ROBO2: variants seen among roughly 807,000 people sequenced by gnomAD.
ROBO2 encodes roundabout guidance receptor 2, also known as roundabout homolog 2.
In ROBO2, 53 loss-of-function variants were observed where a neutral mutation model predicts 160.8. The observed-to-expected ratio is 0.33, with a 90% CI of 0.26 to 0.41. ROBO2 has a LOEUF of 0.41. Ranked by LOEUF, ROBO2 falls within the 10% of genes least tolerant of loss-of-function variation. The pLI, the probability that ROBO2 is intolerant of heterozygous loss-of-function variation, is 1.00. For missense variants in ROBO2, 1,577 were observed against 1,722.4 expected (o/e 0.92, Z 1.49); for synonymous variants, 664 against 611.7 (o/e 1.09, Z -1.26).
intron 2 of ROBO2, among the ~76,000 whole-genome samples, chr3:76,288,600 G>A (rs761995207): frequency 6.6e-6 from 1 of 151,858 alleles, no homozygotes; most frequent in Non-Finnish European, 1.5e-5. Flanking sequence ...CACAGGTAAT[G>A]AGCACAGCAC....
chr3:76,176,977 C>T (rs936774225), intron 2 of ROBO2, among the ~76,000 whole-genome samples: 2 of 152,072 alleles, frequency 1.3e-5, no homozygotes, highest in African/African-American at 4.8e-5. Context: ...ATTCTCTGTA[C>T]TTTATATTGC....
intron 2 of ROBO2, among the ~76,000 whole-genome samples, chr3:76,854,065 TCTTTCTC>T (rs2069759652): frequency 1.3e-5 from 1 of 76,938 alleles, no homozygotes; most frequent in Non-Finnish European, 2.9e-5. Context: ...TCTCTCTCTC[TCTTTCTC>T]TGTCTGCCTC....
At chr3:77,373,115 A>T (rs1169543226) in intron 2 of ROBO2, among the ~76,000 whole-genome samples, 1 of 147,132 alleles carries the variant, frequency 6.8e-6, no homozygotes, top group East Asian at 1.9e-4. Context: ...TTTTAAAATT[A>T]TTATAAAAGT....
At position 77,014,002 on chromosome 3, in the gene ROBO2, T is replaced by C. The variant is rs142937360; in HGVS notation, c.110-84012T>C. Reference sequence around the variant, plus strand: ...CATATAGTCAACAGACTCTAAACTTTAAATGCACTGAATTTTTTTAAAGGC... The same window carrying C: ...CATATAGTCAACAGACTCTAAACTTCAAATGCACTGAATTTTTTTAAAGGC... On this transcript the variant is annotated intron_variant, in intron 2 of 26. Coordinates refer to the ROBO2 transcript ENST00000487694. Among the ~76,000 whole-genome samples the C allele has an allele frequency of 1.5e-3, 231 of 152,314 alleles. 3 individuals carry two copies. The highest frequency in any genetic ancestry group is 7.7e-3 in the East Asian group (40 of 5,182).
intron 2 of ROBO2, among the ~76,000 whole-genome samples, chr3:77,418,456 G>C (rs1204522217): frequency 6.6e-6 from 1 of 151,998 alleles, no homozygotes; most frequent in African/African-American, 2.4e-5. Context: ...TTATAAAATG[G>C]ACTAAATTTG....
intron 2 of ROBO2, among the ~76,000 whole-genome samples, chr3:77,465,695 G>C (rs1478137874): frequency 3.3e-5 from 5 of 152,014 alleles, no homozygotes; most frequent in Non-Finnish European, 7.4e-5. Flanking sequence ...CATACTTTTG[G>C]GTAAAACACA....
At chr3:77,163,911 A>G (rs1188447767) in intron 2 of ROBO2, among the ~76,000 whole-genome samples, 1 of 152,242 alleles carries the variant, frequency 6.6e-6, no homozygotes, top group African/African-American at 2.4e-5. Flanking sequence ...ATACATACAG[A>G]TAAAATTGAT....
intron 2 of ROBO2, among the ~76,000 whole-genome samples, chr3:77,189,603 A>C (rs969297485): frequency 2.0e-5 from 3 of 151,892 alleles, no homozygotes; most frequent in African/African-American, 4.8e-5. Flanking sequence ...TATCCCCAAA[A>C]CAAGTGGTCT....
At chr3:76,947,555 G>A (rs1380678557) in intron 2 of ROBO2, among the ~76,000 whole-genome samples, 1 of 151,904 alleles carries the variant, frequency 6.6e-6, no homozygotes, top group African/African-American at 2.4e-5. Flanking sequence ...ACATATGACT[G>A]TTTTTTTCTT....
At chr3:76,624,749 G>C (rs1379499864) in intron 2 of ROBO2, among the ~76,000 whole-genome samples, 2 of 132,470 alleles carry the variant, frequency 1.5e-5, no homozygotes, top group East Asian at 4.7e-4. Flanking sequence ...AGTGAACTGA[G>C]ATCGCGCTAT....
intron 2 of ROBO2, among the ~76,000 whole-genome samples, chr3:77,130,212 T>G (rs574743521): frequency 1.3e-5 from 2 of 152,196 alleles, no homozygotes; most frequent in Admixed American, 1.3e-4. Context: ...GCCACTGCAC[T>G]CCTCATCTTC....
intron 2 of ROBO2, among the ~76,000 whole-genome samples, chr3:76,926,279 C>T (rs1406245797): frequency 4.6e-5 from 7 of 152,066 alleles, no homozygotes; most frequent in African/African-American, 1.7e-4. Flanking sequence ...TTGAGCACAT[C>T]CTTTTACATA....
At chr3:76,502,616 T>C (rs115422862) in intron 2 of ROBO2, among the ~76,000 whole-genome samples, 2,959 of 152,270 alleles carry the variant, frequency 0.019, 31 homozygotes, top group South Asian at 0.05. Context: ...CAAGTGTACG[T>C]ATTTATGGGC....
intron 2 of ROBO2, among the ~76,000 whole-genome samples, chr3:76,596,193 T>C (rs2086723200): frequency 6.6e-6 from 1 of 152,202 alleles, no homozygotes; most frequent in African/African-American, 2.4e-5. Context: ...GCATTGATTT[T>C]GAATTGCTCT....
intron 2 of ROBO2, among the ~76,000 whole-genome samples, chr3:77,178,550 G>A (rs533378161): frequency 1.3e-5 from 2 of 151,916 alleles, no homozygotes; most frequent in Non-Finnish European, 2.9e-5. Context: ...TTACTAAACA[G>A]GTGAGAATGC....
At chr3:76,653,657 A>G (rs1278318681) in intron 2 of ROBO2, among the ~76,000 whole-genome samples, 1 of 152,176 alleles carries the variant, frequency 6.6e-6, no homozygotes, top group East Asian at 1.9e-4. Flanking sequence ...AGGCGTTCAC[A>G]CAGATATGCT....
intron 2 of ROBO2, among the ~76,000 whole-genome samples, chr3:76,841,755 AG>A (rs1165806893): frequency 6.6e-6 from 1 of 152,218 alleles, no homozygotes; most frequent in East Asian, 1.9e-4. Flanking sequence ...ATCCTCAAGA[AG>A]GAAGGACATC....
chr3:76,749,755 T>G (rs746877471), intron 2 of ROBO2, among the ~76,000 whole-genome samples: 4 of 152,074 alleles, frequency 2.6e-5, no homozygotes, highest in Non-Finnish European at 4.4e-5. Context: ...AAACGTATAC[T>G]GAGACTGAGG....
intron 2 of ROBO2, among the ~76,000 whole-genome samples, chr3:77,002,544 C>A (rs1031609691): frequency 6.6e-6 from 1 of 151,834 alleles, no homozygotes; most frequent in Non-Finnish European, 1.5e-5. Flanking sequence ...AAAACATAGT[C>A]ATGATTCTAC....
Sources: gnomAD v4.1 joint callset for allele counts (sites outside exome capture counted in the v4.1 genomes callset) on GRCh38, gnomAD v4.1.1 for gene constraint, MANE v1.5 for transcripts, NCBI Gene and HGNC (gene_info 2026-07-23, HGNC 2026-07-21) for gene names.